The following SLC24A3 variants were observed in gnomAD, a reference collection of about 807,000 sequenced individuals.
SLC24A3 encodes the protein solute carrier family 24 member 3.
SLC24A3 carries 28 observed loss-of-function variants against 75.8 expected under a neutral mutation model. The ratio of observed to expected loss-of-function variants is 0.37; its 90% CI spans 0.27 to 0.51. The LOEUF is 0.51. Among genes scored for constraint, SLC24A3 ranks in the 20% least tolerant of loss-of-function variants. The pLI is 0.94. For synonymous variants in SLC24A3, 372 were observed against 334.1 expected (o/e 1.11, Z -1.24); for missense variants, 663 against 847.8 (o/e 0.78, Z 2.71).
intron 2 of SLC24A3, among the ~76,000 whole-genome samples, chr20:19,372,302 TA>T (rs934594894): frequency 2.0e-5 from 3 of 152,118 alleles, no homozygotes; most frequent in African/African-American, 7.2e-5. Flanking sequence ...GGAATGAATA[TA>T]AAGAGACCAT....
intron 6 of SLC24A3, among the ~76,000 whole-genome samples, chr20:19,637,554 T>C (rs1051164788): frequency 6.6e-6 from 1 of 152,216 alleles, no homozygotes; most frequent in African/African-American, 2.4e-5. Flanking sequence ...CCTAGCACAC[T>C]ATTTGGCTCC....
Position 19,710,724 on chromosome 20 carries a change from C to A in SLC24A3, c.1720-6804C>A, listed in dbSNP as rs997667983. ...TGGTGATATCATTTGGCTTAGCATG[C>A]CTCAAGAAAGTGTTTTACTGCCTTC... On this transcript the variant is annotated intron_variant, in intron 15 of 16. Transcript: ENST00000328041. Among the ~76,000 whole-genome samples the A allele has an allele frequency of 5.3e-5, 8 of 152,216 alleles. No homozygotes were observed. In the East Asian group the frequency reaches 1.5e-3, roughly 29 times the overall value.
At chr20:19,483,558 G>A (rs993049383) in intron 2 of SLC24A3, among the ~76,000 whole-genome samples, 13 of 152,168 alleles carry the variant, frequency 8.5e-5, no homozygotes, top group Admixed American at 6.5e-5. Context: ...TGTGTCTGCT[G>A]TTTTTCTTGC....
chr20:19,295,725 T>G (rs973337198), intron 2 of SLC24A3, among the ~76,000 whole-genome samples: 5 of 152,192 alleles, frequency 3.3e-5, no homozygotes, highest in African/African-American at 1.2e-4. Flanking sequence ...GTGGATAAAC[T>G]TTTTGATGTG....
intron 2 of SLC24A3, among the ~76,000 whole-genome samples, chr20:19,346,321 ATATATATGGTGTATATATATATGG>A (rs1985423211): frequency 1.3e-5 from 1 of 76,322 alleles, no homozygotes; most frequent in Admixed American, 1.3e-4. Flanking sequence ...TATATGGTAT[ATATATATGGTGTATATATATATGG>A]TATATATATG....
chr20:19,689,790 T>A (rs2032724130), intron 12 of SLC24A3, among the ~76,000 whole-genome samples: 1 of 152,106 alleles, frequency 6.6e-6, no homozygotes, highest in Non-Finnish European at 1.5e-5. Flanking sequence ...AACTTTGGGA[T>A]GCAAAGGGAG....
At chr20:19,639,180 A>G (rs2032038308) in intron 6 of SLC24A3, among the ~76,000 whole-genome samples, 3 of 152,184 alleles carry the variant, frequency 2.0e-5, no homozygotes, top group Admixed American at 6.5e-5. Context: ...TAGATTACCT[A>G]GATACAGAGT....
intron 3 of SLC24A3, among the ~76,000 whole-genome samples, chr20:19,548,354 A>C (rs2030636367): frequency 6.6e-6 from 1 of 152,224 alleles, no homozygotes; most frequent in Non-Finnish European, 1.5e-5. Flanking sequence ...ATTAATTAGA[A>C]ATTTTCACTA....
At chr20:19,362,636 T>G (rs1353843851) in intron 2 of SLC24A3, among the ~76,000 whole-genome samples, 1 of 152,172 alleles carries the variant, frequency 6.6e-6, no homozygotes, top group East Asian at 1.9e-4. Context: ...AGCCGATGTT[T>G]GGAGAATTTC....
chr20:19,672,439 A>G (rs1189475785), intron 8 of SLC24A3, among the ~76,000 whole-genome samples: 2 of 151,986 alleles, frequency 1.3e-5, no homozygotes, highest in South Asian at 4.2e-4. Flanking sequence ...AGCTCAAGCA[A>G]TCCTCCCGCC....
Position 19,684,232 on chromosome 20 carries a change from CCA to C in SLC24A3, c.962_963del (p.His321ProfsTer6). 1 of 1,614,130 alleles carries C rather than the reference CCA, an allele frequency of 6.2e-7. No individual in the cohort carries two copies. The highest frequency in any genetic ancestry group is 2.2e-5 in the East Asian group (1 of 44,888). ...GGTAGACGAGCTGCTGTCAGCCTACCCACACCAGCTTTCCTTCTCTGAGGCTG... is the reference window on the plus strand; with the variant it reads ...GGTAGACGAGCTGCTGTCAGCCTACCCACCAGCTTTCCTTCTCTGAGGCTG... ...IMVDELLSAYPHQLSFSEAGL... is the reference protein window; with the variant it reads ...IMVDELLSAYXHQLSFSEAGL... On this transcript the variant is annotated frameshift_variant, in exon 11 of 17. Transcript: ENST00000328041. LOFTEE classifies it high-confidence loss of function.
chr20:19,702,968 A>G (rs963635404), intron 15 of SLC24A3, among the ~76,000 whole-genome samples: 1 of 152,220 alleles, frequency 6.6e-6, no homozygotes, highest in Admixed American at 6.5e-5. Context: ...TTTCATAAGT[A>G]ATGCTAACTT....
chr20:19,246,821 G>A (rs1364538190), intron 1 of SLC24A3, among the ~76,000 whole-genome samples: 1 of 151,990 alleles, frequency 6.6e-6, no homozygotes, highest in Non-Finnish European at 1.5e-5. Context: ...ATCTCTGTCT[G>A]TCTCTATCTC....
intron 1 of SLC24A3, among the ~76,000 whole-genome samples, chr20:19,280,570 C>T (rs1983627530): frequency 6.6e-6 from 1 of 152,206 alleles, no homozygotes; most frequent in African/African-American, 2.4e-5. Context: ...AATATTGACA[C>T]CACAGAAGTT....
At chr20:19,285,186 A>G (rs1983779268) in intron 2 of SLC24A3, among the ~76,000 whole-genome samples, 1 of 152,132 alleles carries the variant, frequency 6.6e-6, no homozygotes, top group African/African-American at 2.4e-5. Context: ...TTCTGCTTTC[A>G]AAAAAATGGC....
intron 1 of SLC24A3, chr20:19,242,220 G>A (rs564628287): frequency 6.6e-6 from 1 of 152,338 alleles, no homozygotes; most frequent in South Asian, 2.1e-4. Context: ...GATTAATTTA[G>A]AACTCAGAGG....
chr20:19,497,247 G>A (rs1988303803), intron 2 of SLC24A3, among the ~76,000 whole-genome samples: 2 of 152,144 alleles, frequency 1.3e-5, no homozygotes, highest in Admixed American at 6.5e-5. Context: ...AGACATTTCC[G>A]GCACTCAAAT....
At chr20:19,268,592 C>T (rs1291748351) in intron 1 of SLC24A3, among the ~76,000 whole-genome samples, 1 of 152,216 alleles carries the variant, frequency 6.6e-6, no homozygotes, top group Non-Finnish European at 1.5e-5. Flanking sequence ...CATGATAGAT[C>T]TGAGACTAGA....
chr20:19,533,652 G>C (rs2030344667), intron 3 of SLC24A3, among the ~76,000 whole-genome samples: 1 of 152,218 alleles, frequency 6.6e-6, no homozygotes, highest in African/African-American at 2.4e-5. Flanking sequence ...GCATGGTTGG[G>C]TCAAGATGGG....
Sources: gnomAD v4.1 joint callset for allele counts (sites outside exome capture counted in the v4.1 genomes callset) on GRCh38, gnomAD v4.1.1 for gene constraint, MANE v1.5 for transcripts, NCBI Gene and HGNC (gene_info 2026-07-23, HGNC 2026-07-21) for gene names.